EDEM1: variants seen among roughly 807,000 people sequenced by gnomAD.
The protein encoded by EDEM1 is ER degradation enhancing alpha-mannosidase like protein 1, also known as ER degradation-enhancing alpha-mannosidase-like protein 1.
In EDEM1, 67 loss-of-function variants were observed where a neutral mutation model predicts 74.4. The observed-to-expected ratio is 0.90, with a 90% CI of 0.74 to 1.10. The LOEUF (loss-of-function observed/expected upper bound fraction) is 1.10, where lower values mean the gene tolerates loss of function less well. Ranked by LOEUF, EDEM1 falls within the 50% of genes least tolerant of loss-of-function variation. The pLI is 0.00. For synonymous variants in EDEM1, 382 were observed against 335.9 expected, an observed-to-expected ratio of 1.14 and a Z score of -1.50; for missense variants, 926 against 851.6, an observed-to-expected ratio of 1.09 and a Z score of -1.09.
At position 5,212,052 on chromosome 3, in the gene EDEM1, C is replaced by T. The variant is rs569945328; in HGVS notation, c.1680+836C>T. ...GTGATAAATTGTGTTTATCTAGTTC[C>T]GTGGTTCCTAGGCCTGGGGCTAGCT... On this transcript the variant is annotated intron_variant, in intron 10 of 11. Coordinates refer to ENST00000256497, the MANE Select transcript of EDEM1 (RefSeq NM_014674.3). Among the ~76,000 whole-genome samples, 8 of 152,248 alleles carry T rather than the reference C, an allele frequency of 5.3e-5. No individual in the cohort carries two copies. In the South Asian group the frequency reaches 6.2e-4, roughly 12 times the overall value.
At chr3:5,201,955 G>C in intron 4 of EDEM1, 31 bp downstream of exon 4, 2 of 1,582,502 alleles carry the variant, frequency 1.3e-6, no homozygotes, top group Non-Finnish European at 1.7e-6. Context: ...CTTTGTGTTT[G>C]ACAATTCACT....
rs143387371 is a variant in EDEM1 at position 5,211,870 on chromosome 3, T to C, written c.1680+654T>C. ...GGTCCTGACTCCCTGTCTGGTGCTC[T>C]TTCCATCTCACCGCTCTGCCTCGTG... On this transcript the variant is annotated intron_variant, in intron 10 of 11. Transcript: ENST00000256497. 1.2e-4 allele frequency among the ~76,000 whole-genome samples: 19 copies of C among 152,322 alleles called. No homozygotes were observed. The East Asian group carries it at 3.7e-3, about 29-fold the overall frequency.
intron 7 of EDEM1, among the ~76,000 whole-genome samples, chr3:5,207,638 C>T (rs973438892): frequency 6.6e-6 from 1 of 152,170 alleles, no homozygotes; most frequent in African/African-American, 2.4e-5. Context: ...TCCAGGGTAG[C>T]TGGGATTACA....
In EDEM1 at chr3:5,187,854, C is replaced by G. The variant is rs1353774805; in HGVS notation, c.49C>G (p.Leu17Val). The change falls in exon 1 of 12, where the codon CTC becomes GTC. Residue 17 changes from leucine (L) to valine (V), a missense_variant. Physicochemically the swap from Leu to Val is conservative, Grantham distance 32 (BLOSUM62 1). Coordinates refer to ENST00000256497, the MANE Select transcript of EDEM1 (RefSeq NM_014674.3). Reference protein sequence around the residue: ...VLGLVLLRLGLHGVLWLVFGL... With the variant: ...VLGLVLLRLGVHGVLWLVFGL... ...GGGGCTGGTGCTCCTCCGGCTTGGC[C>G]TCCATGGAGTATTGTGGCTCGTCTT... The G allele has an allele frequency of 6.3e-7, 1 of 1,595,730 alleles. No homozygotes were observed. The highest frequency in any genetic ancestry group is 8.5e-7 in the Non-Finnish European group (1 of 1,172,510).
Position 5,216,064 on chromosome 3 carries a change from G to T in EDEM1, c.*146G>T. On this transcript the variant is annotated 3_prime_UTR_variant, in exon 12 of 12. Coordinates refer to ENST00000256497, the MANE Select transcript of EDEM1 (RefSeq NM_014674.3). ...TCTGTGCAACACCTCACCACGTCTG[G>T]TTAATCCTTGCACACTTCAGTGTTT... 1 of 623,096 alleles carries T rather than the reference G, an allele frequency of 1.6e-6. No homozygotes were observed. The highest frequency in any genetic ancestry group is 2.8e-6 in the Non-Finnish European group (1 of 358,338). The allele number at this position is 623,096 out of a possible 1,614,324, so 38.6% of individuals were successfully genotyped here.
intron 1 of EDEM1, among the ~76,000 whole-genome samples, chr3:5,192,106 T>A (rs2054909096): frequency 6.6e-6 from 1 of 152,268 alleles, no homozygotes; most frequent in African/African-American, 2.4e-5. Context: ...AGGCTCCTCT[T>A]GTTTCCGTGA....
At chr3:5,198,896 A>G (rs1290344582) in intron 2 of EDEM1, among the ~76,000 whole-genome samples, 1 of 152,150 alleles carries the variant, frequency 6.6e-6, no homozygotes, top group Non-Finnish European at 1.5e-5. Flanking sequence ...TTAATCTATA[A>G]AGTTTGATGC....
rs550887304 is a variant in EDEM1 at position 5,190,714 on chromosome 3, C to T, written c.509+2400C>T. ...CATTAGGGAAGGGTTGTGCCCTGAG[C>T]TGGGTAGGCCCGTTGGTTGGTAAAC... On this transcript the variant is annotated intron_variant, in intron 1 of 11. Transcript: ENST00000256497. Among the ~76,000 whole-genome samples, 18 of 152,236 alleles carry T rather than the reference C, an allele frequency of 1.2e-4. No homozygotes were observed. The East Asian group carries it at 1.7e-3, about 15-fold the overall frequency.
At position 5,211,769 on chromosome 3, in the gene EDEM1, A is replaced by G. The variant is rs554259536; in HGVS notation, c.1680+553A>G. On this transcript the variant is annotated intron_variant, in intron 10 of 11. Coordinates refer to ENST00000256497, the MANE Select transcript of EDEM1 (RefSeq NM_014674.3). The stretch of plus-strand genomic sequence containing the variant: ...TATGTTCATCATTTCCCTCACAAGA[A>G]CTACAGCCTACACAGAGGTCAGGCG... 7.2e-5 allele frequency among the ~76,000 whole-genome samples: 11 copies of G among 152,222 alleles called. No individual in the cohort carries two copies. The South Asian group carries it at 2.3e-3, about 32-fold the overall frequency.
In EDEM1 at chr3:5,195,235, T is replaced by G; in HGVS notation, c.536T>G (p.Leu179Arg). 1 of 1,563,298 alleles carries G rather than the reference T, an allele frequency of 6.4e-7. No homozygotes were observed. The part of the protein sequence containing the change: ...DPSNLNINDV[L>R]GNYSLTLVDA... ...TCAAATCTGAACATCAATGATGTAC[T>G]AGGGAACTACTCATTGACTCTTGTT... is the stretch of plus-strand genomic sequence containing the variant. Residue 179 changes from leucine to arginine, a missense_variant, in exon 2 of 12, where the codon CTA (leucine) becomes CGA (arginine). Leu to Arg is a moderately radical substitution (Grantham distance 102). Coordinates refer to ENST00000256497, the MANE Select transcript of EDEM1 (RefSeq NM_014674.3).
At position 5,202,970 on chromosome 3, in the gene EDEM1, A is replaced by T. The variant is rs1386594258; in HGVS notation, c.863A>T (p.Asn288Ile). ...TTTGTCTGTTCCCATCCCCAGGTGAATCTAAAGACAGGAGTTCCTCCTGAC... is the reference window on the plus strand; with the variant it reads ...TTTGTCTGTTCCCATCCCCAGGTGATTCTAAAGACAGGAGTTCCTCCTGAC... ...TKTGIPYPRV[N>I]LKTGVPPDTN... Residue 288 changes from asparagine (N) to isoleucine (I), a missense_variant, in exon 5 of 12, where the codon AAT (asparagine) becomes ATT (isoleucine). Coordinates refer to ENST00000256497, the MANE Select transcript of EDEM1 (RefSeq NM_014674.3). 6.2e-7 allele frequency: 1 copy of T among 1,613,162 alleles called. No homozygotes were observed. Among genetic ancestry groups the T allele is most frequent in the Non-Finnish European group, 8.5e-7 (1 of 1,179,616 alleles).
chr3:5,202,998 C>CAAT lies in EDEM1; in HGVS notation c.895_897dup (p.Asn299dup). On this transcript the variant is annotated inframe_insertion, in exon 5 of 12. Coordinates refer to ENST00000256497, the MANE Select transcript of EDEM1 (RefSeq NM_014674.3). ...TAAAGACAGGAGTTCCTCCTGACAC[C>CAAT]AATAATGAGACATGCACAGCGGGAG... The CAAT allele has an allele frequency of 6.2e-7, 1 of 1,613,748 alleles. No individual in the cohort carries two copies. Among genetic ancestry groups the CAAT allele is most frequent in the South Asian group, 1.1e-5 (1 of 91,072 alleles).
At chr3:5,203,598 T>C (rs2055059493) in intron 5 of EDEM1, among the ~76,000 whole-genome samples, 1 of 152,170 alleles carries the variant, frequency 6.6e-6, no homozygotes, top group Admixed American at 6.5e-5. Context: ...GAATGTTTGG[T>C]GAAGATGTTA....
chr3:5,204,847 C>T (rs1330352767), intron 5 of EDEM1, among the ~76,000 whole-genome samples: 2 of 152,088 alleles, frequency 1.3e-5, no homozygotes, highest in African/African-American at 4.8e-5. Flanking sequence ...AATGTTTATC[C>T]CCATGTTTGT....
rs774467884 is a variant in EDEM1, at chr3:5,188,002, T to C, written c.197T>C (p.Val66Ala). ...TSGPVGRPGGVSGPSWLQPPG... is the reference protein window; with the variant it reads ...TSGPVGRPGGASGPSWLQPPG... ...GGGCCCGTGGGCCGGCCTGGGGGGG[T>C]ATCCGGGCCGTCGTGGCTGCAGCCG... is the stretch of plus-strand genomic sequence containing the variant. Residue 66 changes from valine to alanine, a missense_variant, in exon 1 of 12, where the codon GTA (valine) becomes GCA (alanine). By Grantham distance (64) the Val-to-Ala change is moderately conservative. Coordinates refer to ENST00000256497, the MANE Select transcript of EDEM1 (RefSeq NM_014674.3). The C allele has an allele frequency of 5.3e-4, 794 of 1,503,042 alleles. No individual in the cohort carries two copies. The highest frequency in any genetic ancestry group is 6.4e-4 in the Non-Finnish European group (719 of 1,129,040). The allele number at this position is 1,503,042 out of a possible 1,614,324, so 93.1% of individuals were successfully genotyped here.
In EDEM1 at chr3:5,204,925, G is replaced by T. The variant is rs540288290; in HGVS notation, c.1043-142G>T. 2.6e-5 allele frequency: 21 copies of T among 797,776 alleles called. No homozygotes were observed. The African/African-American group carries it at 3.3e-4, about 12-fold the overall frequency. 49.4% of individuals were successfully genotyped at this position (797,776 alleles called of 1,614,324 possible). Reference sequence around the variant, plus strand: ...AGTGATAAGACTGATAAAAATGTTAGGTCCAAGCAACCACCTCCTTCTCCT... The same window carrying T: ...AGTGATAAGACTGATAAAAATGTTATGTCCAAGCAACCACCTCCTTCTCCT... On this transcript the variant is annotated intron_variant, in intron 5 of 11. Transcript: ENST00000256497.
rs2054845016 is a variant in EDEM1 at position 5,187,937 on chromosome 3, G to A, written c.132G>A (p.Gln44=). Residue 44 remains glutamine, a synonymous_variant, in exon 1 of 12, where the codon CAG becomes CAA. Coordinates refer to ENST00000256497, the MANE Select transcript of EDEM1 (RefSeq NM_014674.3). ...GCTTTCCGCTCAGCTTCGGCTTCCA[G>A]CGTCTGAGGAGCCCCGACGGCCCCG... is the stretch of plus-strand genomic sequence containing the variant. ...YQRFPLSFGF[Q]RLRSPDGPAS... is the part of the protein sequence containing the mutation. The A allele has an allele frequency of 6.3e-7, 1 of 1,585,278 alleles. No homozygotes were observed.
chr3:5,196,912 C>T (rs1431834342), intron 2 of EDEM1, among the ~76,000 whole-genome samples: 3 of 150,518 alleles, frequency 2.0e-5, no homozygotes, highest in African/African-American at 7.4e-5. Context: ...TCATCGTCGT[C>T]GTCTTTTCTT....
At position 5,199,583 on chromosome 3, in the gene EDEM1, T is replaced by A. The variant is rs1451431818; in HGVS notation, c.583-9T>A. Reference sequence around the variant, plus strand: ...GTTGCTGTAATGACCTGTGTTCCTCTTTTTAAAGATAATGGGAAATTCATC... The same window carrying A: ...GTTGCTGTAATGACCTGTGTTCCTCATTTTAAAGATAATGGGAAATTCATC... On this transcript the variant is annotated splice_polypyrimidine_tract_variant and intron_variant, in intron 2 of 11. Transcript: ENST00000256497. The A allele has an allele frequency of 1.2e-6, 2 of 1,605,116 alleles. No homozygotes were observed. The highest frequency in any genetic ancestry group is 2.2e-5 in the South Asian group (2 of 90,348).
Sources: gnomAD v4.1 joint callset for allele counts (sites outside exome capture counted in the v4.1 genomes callset) on GRCh38, gnomAD v4.1.1 for gene constraint, MANE v1.5 for transcripts, NCBI Gene and HGNC (gene_info 2026-07-23, HGNC 2026-07-21) for gene names.